BMERB1: variants seen among roughly 807,000 people sequenced by gnomAD.
BMERB1 encodes the protein bMERB domain containing 1, also known as bMERB domain-containing protein 1.
BMERB1 carries 12 observed loss-of-function variants against 23.6 expected under a neutral mutation model. That is an observed-to-expected ratio of 0.51 (90% CI 0.33 to 0.82). The LOEUF (loss-of-function observed/expected upper bound fraction) is 0.82, where lower values mean the gene tolerates loss of function less well. Among genes scored for constraint, BMERB1 ranks in the 40% least tolerant of loss-of-function variants. The pLI, the probability that BMERB1 is intolerant of heterozygous loss-of-function variation, is 0.03. For synonymous variants in BMERB1, 122 were observed against 96.6 expected, an observed-to-expected ratio of 1.26 and a Z score of -1.54; for missense variants, 247 against 255.4, an observed-to-expected ratio of 0.97 and a Z score of 0.22.
At chr16:15,437,684 C>T (rs948968360) in intron 1 of BMERB1, among the ~76,000 whole-genome samples, 1 of 152,120 alleles carries the variant, frequency 6.6e-6, no homozygotes, top group Non-Finnish European at 1.5e-5. Flanking sequence ...TAAGGCCAGG[C>T]GCATTGGCTC....
intron 1 of BMERB1, among the ~76,000 whole-genome samples, chr16:15,437,920 T>A (rs1216422677): frequency 6.7e-6 from 1 of 149,982 alleles, no homozygotes. Context: ...ATTGCACCAC[T>A]GCACTCCAGC....
At chr16:15,526,704 C>A (rs111906461) in intron 2 of BMERB1, among the ~76,000 whole-genome samples, 2,538 of 148,996 alleles carry the variant, frequency 0.017, 77 homozygotes, top group African/African-American at 0.06. Flanking sequence ...ATAATTGTTC[C>A]GGGCTTCATA....
At chr16:15,555,616 T>G (rs1300289171) in intron 2 of BMERB1, among the ~76,000 whole-genome samples, 1 of 152,220 alleles carries the variant, frequency 6.6e-6, no homozygotes, top group Non-Finnish European at 1.5e-5. Flanking sequence ...AAATCCACAG[T>G]CCATTAAAAT....
At chr16:15,515,790 C>T (rs1189251867) in intron 2 of BMERB1, among the ~76,000 whole-genome samples, 1 of 152,090 alleles carries the variant, frequency 6.6e-6, no homozygotes, top group Non-Finnish European at 1.5e-5. Flanking sequence ...AGCCTGTCAG[C>T]TTGGGCAGGT....
In BMERB1 at chr16:15,586,707, C is replaced by G. The variant is rs181574183; in HGVS notation, c.503-10C>G. The G allele has an allele frequency of 4.8e-4, 775 of 1,599,828 alleles. 4 individuals are homozygous for G. Among genetic ancestry groups the G allele is most frequent in the Admixed American group, 5.2e-4 (30 of 57,494 alleles). On this transcript the variant is annotated splice_polypyrimidine_tract_variant and intron_variant, in intron 5 of 5. Coordinates refer to ENST00000300006, the MANE Select transcript of BMERB1 (RefSeq NM_033201.3). ...TCTCCCCCTCTCCCTGTGCCCACAT[C>G]TTGCTGCAGGCTCCCGGGCAGAGAA...
intron 2 of BMERB1, among the ~76,000 whole-genome samples, chr16:15,562,162 G>T (rs969405275): frequency 2.0e-5 from 3 of 151,824 alleles, no homozygotes; most frequent in Non-Finnish European, 2.9e-5. Flanking sequence ...AATTAGCTGG[G>T]CCTGGTGGTG....
chr16:15,457,597 A>G (rs1331759920), intron 1 of BMERB1, among the ~76,000 whole-genome samples: 4 of 152,222 alleles, frequency 2.6e-5, no homozygotes, highest in Non-Finnish European at 4.4e-5. Context: ...GTGCCCAGCC[A>G]GGACCTTTGA....
intron 1 of BMERB1, among the ~76,000 whole-genome samples, chr16:15,473,714 C>A (rs1344292191): frequency 6.6e-6 from 1 of 152,198 alleles, no homozygotes; most frequent in African/African-American, 2.4e-5. Flanking sequence ...ATAGAATTCA[C>A]AATTCATAAT....
intron 5 of BMERB1, among the ~76,000 whole-genome samples, chr16:15,583,441 G>T (rs533321010): frequency 6.6e-6 from 1 of 151,950 alleles, no homozygotes; most frequent in African/African-American, 2.4e-5. Context: ...AGCTGGGCAC[G>T]GTGGCACACA....
chr16:15,495,135 C>T (rs1300861517), intron 1 of BMERB1, among the ~76,000 whole-genome samples: 5 of 151,948 alleles, frequency 3.3e-5, no homozygotes, highest in Non-Finnish European at 7.4e-5. Flanking sequence ...CCGCCTACCT[C>T]GGCCTTCCAA....
chr16:15,460,234 T>C (rs1003679848), intron 1 of BMERB1, among the ~76,000 whole-genome samples: 1 of 152,138 alleles, frequency 6.6e-6, no homozygotes. Context: ...AGAGAAGTAC[T>C]ATGAGGACTA....
chr16:15,438,331 C>G (rs942107064), intron 1 of BMERB1, among the ~76,000 whole-genome samples: 2 of 151,852 alleles, frequency 1.3e-5, no homozygotes, highest in African/African-American at 4.8e-5. Context: ...AGGTGATCCA[C>G]CCACCTCAGC....
chr16:15,457,568 T>A, intron 1 of BMERB1, among the ~76,000 whole-genome samples: 1 of 152,172 alleles, frequency 6.6e-6, no homozygotes. Context: ...TCTGTGTTTG[T>A]AGCTTCCTCT....
At chr16:15,579,727 C>T (rs1404409918) in intron 3 of BMERB1, among the ~76,000 whole-genome samples, 1 of 151,974 alleles carries the variant, frequency 6.6e-6, no homozygotes, top group Non-Finnish European at 1.5e-5. Context: ...GTGTCATTGG[C>T]ATGGATGATT....
intron 2 of BMERB1, among the ~76,000 whole-genome samples, chr16:15,562,905 C>T (rs976300447): frequency 1.3e-5 from 2 of 152,058 alleles, no homozygotes; most frequent in African/African-American, 2.4e-5. Flanking sequence ...GTGCCTCTGA[C>T]AACAAGAGAT....
intron 1 of BMERB1, among the ~76,000 whole-genome samples, chr16:15,465,825 A>G (rs7498551): frequency 0.99 from 150,502 of 152,366 alleles, 74,359 homozygotes; most frequent in Middle Eastern, 1. Context: ...GTCATAAACA[A>G]TCTGTGATAT....
intron 1 of BMERB1, among the ~76,000 whole-genome samples, chr16:15,459,065 G>A (rs2051113523): frequency 1.3e-5 from 2 of 151,488 alleles, no homozygotes. Context: ...CCAAGATCGC[G>A]CCACTGCACT....
Position 15,434,728 on chromosome 16 carries a change from G to A in BMERB1, c.75G>A (p.Glu25=). 1.4e-6 allele frequency: 2 copies of A among 1,428,656 alleles called. No individual in the cohort carries two copies. Among genetic ancestry groups the A allele is most frequent in the Non-Finnish European group, 1.9e-6 (2 of 1,062,944 alleles). The allele number at this position is 1,428,656 out of a possible 1,614,324, so 88.5% of individuals were successfully genotyped here. The part of the protein sequence containing the change: ...KPLRRYGAVE[E]TAWKTERLGR... ...TGAGGCGCTATGGGGCGGTGGAGGA[G>A]ACGGCTTGGAAAACGGAGAGACTGG... The change falls in exon 1 of 6, where the codon GAG becomes GAA. Residue 25 remains glutamate, a synonymous_variant. Transcript: ENST00000300006.
chr16:15,586,644 A>C, intron 5 of BMERB1, 73 bp from the exon 6 acceptor site: 1 of 1,279,652 alleles, frequency 7.8e-7, no homozygotes, highest in Non-Finnish European at 1.1e-6. Context: ...GCAGATGGTC[A>C]GGGCTCTGCT....
Sources: gnomAD v4.1 joint callset for allele counts (sites outside exome capture counted in the v4.1 genomes callset) on GRCh38, gnomAD v4.1.1 for gene constraint, MANE v1.5 for transcripts, NCBI Gene and HGNC (gene_info 2026-07-23, HGNC 2026-07-21) for gene names.